RTL1: variants seen among roughly 807,000 people sequenced by gnomAD.
The protein encoded by RTL1 is retrotransposon-like protein 1.
For missense variants in RTL1, 1,681 were observed against 1,767.5 expected (o/e 0.95, Z 0.88); for synonymous variants, 727 against 748.4 (o/e 0.97, Z 0.47).
chr14:100,880,597 C>A lies in RTL1; in HGVS notation c.*115G>T, dbSNP rs1281381281. ...CTTCACAAGTGGGTTCCTCTTGGGT[C>A]AGGAGTGGCAGGAAGGGAAGCGAAG... On this transcript the variant is annotated 3_prime_UTR_variant, in exon 4 of 4. Transcript: ENST00000649591. The A allele has an allele frequency of 2.0e-6, 3 of 1,490,832 alleles. No homozygotes were observed. The Admixed American group carries it at 6.7e-5, about 33-fold the overall frequency. The allele number at this position is 1,490,832 out of a possible 1,614,324, so 92.4% of individuals were successfully genotyped here. A position where few individuals can be genotyped will look rare whatever the true frequency, so the allele number is the denominator to read the frequency against.
In RTL1 at chr14:100,880,635, C is replaced by T. The variant is rs897523731; in HGVS notation, c.*77G>A. The T allele has an allele frequency of 2.4e-5, 36 of 1,526,818 alleles. No homozygotes were observed. Among genetic ancestry groups the T allele is most frequent in the African/African-American group, 2.3e-4 (17 of 72,386 alleles). The allele number at this position is 1,526,818 out of a possible 1,614,324, so 94.6% of individuals were successfully genotyped here. ...AAGGGAAGCGAAGCAGGCTGAGGCGCGGGGAGGCCAGGGGACGTCGGGAGG... is the reference window on the plus strand; with the variant it reads ...AAGGGAAGCGAAGCAGGCTGAGGCGTGGGGAGGCCAGGGGACGTCGGGAGG... On this transcript the variant is annotated 3_prime_UTR_variant, in exon 4 of 4. Coordinates refer to ENST00000649591, the MANE Select transcript of RTL1 (RefSeq NM_001134888.3).
At chr14:100,891,529 C>T (rs1360404026) in intron 3 of RTL1, among the ~76,000 whole-genome samples, 1 of 152,224 alleles carries the variant, frequency 6.6e-6, no homozygotes, top group Non-Finnish European at 1.5e-5. Context: ...CAGGGAGTGC[C>T]TGGGCCCAGC....
chr14:100,882,507 AC>A lies in RTL1; in HGVS notation c.2281del (p.Val761SerfsTer27). Reference protein sequence around the residue: ...QVLVRFRHHNVYCSLDKSQFH... With the variant: ...QVLVRFRHHNXYCSLDKSQFH... ...CTGGCTCTTGTCCAGGGAGCAGTAG[AC>A]GTTGTGATGGCGGAAGCGGACCAGG... On this transcript the variant is annotated frameshift_variant, in exon 4 of 4. Transcript: ENST00000649591. LOFTEE classifies it low-confidence loss of function (END_TRUNC). The A allele has an allele frequency of 6.4e-7, 1 of 1,551,972 alleles. No individual in the cohort carries two copies. The highest frequency in any genetic ancestry group is 8.7e-7 in the Non-Finnish European group (1 of 1,147,084).
intron 3 of RTL1, among the ~76,000 whole-genome samples, chr14:100,892,895 T>C (rs2038801528): frequency 6.6e-6 from 1 of 152,078 alleles, no homozygotes; most frequent in Admixed American, 6.5e-5. Context: ...AGTTGGGGGA[T>C]GTGCTGCCGT....
intron 3 of RTL1, among the ~76,000 whole-genome samples, chr14:100,886,870 A>T (rs956116984): frequency 6.6e-6 from 1 of 152,198 alleles, no homozygotes; most frequent in African/African-American, 2.4e-5. Context: ...AAACTAGATT[A>T]TGCCCCCTCT....
chr14:100,892,122 T>A (rs2038788073), intron 3 of RTL1, among the ~76,000 whole-genome samples: 1 of 152,204 alleles, frequency 6.6e-6, no homozygotes, highest in Non-Finnish European at 1.5e-5. Context: ...TTGTCTTGAT[T>A]TTCCAACCTG....
Position 100,884,853 on chromosome 14 carries a change from C to T in RTL1, c.-65G>A. The T allele has an allele frequency of 4.1e-6, 6 of 1,456,810 alleles. No homozygotes were observed. Among genetic ancestry groups the T allele is most frequent in the Non-Finnish European group, 5.5e-6 (6 of 1,083,750 alleles). 90.2% of individuals were successfully genotyped at this position (1,456,810 alleles called of 1,614,324 possible). A position where few individuals can be genotyped will look rare whatever the true frequency, so the allele number is the denominator to read the frequency against. ...GGTTGTGATGGCGTCCAGTCAGTAG[C>T]TGGGACCGTGGAGATCAGAACCTGG... On this transcript the variant is annotated 5_prime_UTR_variant, in exon 4 of 4. Transcript: ENST00000649591.
At chr14:100,891,059 G>T (rs573799705) in intron 3 of RTL1, among the ~76,000 whole-genome samples, 1 of 152,286 alleles carries the variant, frequency 6.6e-6, no homozygotes, top group East Asian at 1.9e-4. Context: ...GGAGGCTGGT[G>T]AGATTCCTGG....
intron 3 of RTL1, among the ~76,000 whole-genome samples, chr14:100,888,702 C>T (rs950779119): frequency 1.1e-4 from 16 of 152,226 alleles, no homozygotes; most frequent in Admixed American, 9.8e-4. Context: ...CCAGGCCACT[C>T]TGTTAGAAAG....
chr14:100,894,998 TGAA>T (rs1260893626), intron 2 of RTL1: 8 of 152,278 alleles, frequency 5.3e-5, no homozygotes, highest in Non-Finnish European at 7.3e-5. Context: ...AGTCTGACTT[TGAA>T]GAAGACCAGC....
chr14:100,880,789 C>A lies in RTL1; in HGVS notation c.4000G>T (p.Ala1334Ser), dbSNP rs750552945. ...LIYRRALPIP[A>S]WESQPREQAR... ...TGCTCCCTGGGCTGGCTCTCCCAGG[C>A]GGGGATGGGCAGGGCCCGCCTGTAG... is the stretch of plus-strand genomic sequence containing the variant. The change falls in exon 4 of 4, where the codon GCC (alanine) becomes TCC (serine). Residue 1334 changes from alanine to serine, a missense_variant. Physicochemically the swap from Ala to Ser is moderately conservative, Grantham distance 99 (BLOSUM62 1). Transcript: ENST00000649591. 3.2e-6 allele frequency: 5 copies of A among 1,550,322 alleles called. No individual in the cohort carries two copies. Among genetic ancestry groups the A allele is most frequent in the Non-Finnish European group, 4.4e-6 (5 of 1,146,838 alleles).
chr14:100,903,127 A>AG (rs1384708584), intron 2 of RTL1, among the ~76,000 whole-genome samples, 164 bp downstream of exon 2: 1 of 152,306 alleles, frequency 6.6e-6, no homozygotes, highest in African/African-American at 2.4e-5. Context: ...CGAGGGGTAA[A>AG]GCATGAAGGC....
chr14:100,894,210 T>C (rs1348112442), intron 2 of RTL1, among the ~76,000 whole-genome samples: 1 of 146,920 alleles, frequency 6.8e-6, no homozygotes, highest in African/African-American at 2.5e-5. Flanking sequence ...CTTGGGAGGC[T>C]GAGGTAGGAG....
Position 100,883,782 on chromosome 14 carries a change from T to C in RTL1, c.1007A>G (p.His336Arg). The C allele has an allele frequency of 1.9e-6, 3 of 1,551,650 alleles. No individual in the cohort carries two copies. In the East Asian group the frequency reaches 7.3e-5, roughly 38 times the overall value. Residue 336 changes from histidine (H) to arginine (R), a missense_variant, in exon 4 of 4, where the codon CAC becomes CGC. By Grantham distance (29) the His-to-Arg change is conservative (BLOSUM62 0). Coordinates refer to ENST00000649591, the MANE Select transcript of RTL1 (RefSeq NM_001134888.3). The surrounding 1 kb of genome is among the most constrained non-coding windows in gnomAD (Gnocchi z 5.9). The part of the protein sequence containing the change: ...LCQGLNEEIR[H>R]YLFRVPQPDS... ...CGGCTGAGGGACCCGGAATAGATAG[T>C]GCCTGATCTCCTCGTTGAGCCCCTG... is the stretch of plus-strand genomic sequence containing the variant.
In RTL1 at chr14:100,884,325, T is replaced by C. The variant is rs770959882; in HGVS notation, c.464A>G (p.Gln155Arg). The change falls in exon 4 of 4, where the codon CAG becomes CGG. Residue 155 changes from glutamine (Q) to arginine (R), a missense_variant. Physicochemically the swap from Gln to Arg is conservative, Grantham distance 43. Transcript: ENST00000649591. ...AAGTTCTGCGGTTGAGTGCTCGGTC[T>C]GGTTTTGCTCTTGAGGAGTCTCCTC... ...GREETPQEQN[Q>R]TEHSTAELMA... is the part of the protein sequence containing the mutation. The C allele has an allele frequency of 1.6e-5, 24 of 1,543,452 alleles. No homozygotes were observed. In the African/African-American group the frequency reaches 3.0e-4, roughly 20 times the overall value.
In RTL1 at chr14:100,882,859, G is replaced by A. The variant is rs759876866; in HGVS notation, c.1930C>T (p.Gln644Ter). 2.6e-6 allele frequency: 4 copies of A among 1,560,942 alleles called. No individual in the cohort carries two copies. Among genetic ancestry groups the A allele is most frequent in the African/African-American group, 2.7e-5 (2 of 73,698 alleles). Residue 644 changes from glutamine (Q) to a stop codon, truncating the protein, a stop_gained, in exon 4 of 4, where the codon CAG (glutamine) becomes TAG (stop). Coordinates refer to ENST00000649591, the MANE Select transcript of RTL1 (RefSeq NM_001134888.3). LOFTEE classifies it low-confidence loss of function (END_TRUNC). Reference protein sequence around the residue: ...WDLQDMLTNRQDYIQMIPELF... With the variant: ...WDLQDMLTNR ...TCCGGAATCATCTGTATGTAGTCCT[G>A]TCTGTTGGTCAGCATGTCCTGCAGG... is the stretch of plus-strand genomic sequence containing the variant.
chr14:100,896,158 G>A (rs1180050336), intron 2 of RTL1, among the ~76,000 whole-genome samples: 1 of 152,092 alleles, frequency 6.6e-6, no homozygotes, highest in East Asian at 1.9e-4. Context: ...AAACTAAAAT[G>A]CTGTGTAATA....
rs2038676769 is a variant in RTL1 at position 100,884,889 on chromosome 14, G to C, written c.-86-15C>G. 1 of 1,076,592 alleles carries C rather than the reference G, an allele frequency of 9.3e-7. No homozygotes were observed. Among genetic ancestry groups the C allele is most frequent in the Admixed American group, 2.8e-5 (1 of 35,454 alleles). 66.7% of individuals were successfully genotyped at this position (1,076,592 alleles called of 1,614,324 possible). On this transcript the variant is annotated splice_polypyrimidine_tract_variant and intron_variant, in intron 3 of 3. Coordinates refer to ENST00000649591, the MANE Select transcript of RTL1 (RefSeq NM_001134888.3). ...GAGATCAGAACCTGGTGGTGGAAGG[G>C]GAGTGTGGGGAGTAAAGGCAGTAGT...
intron 3 of RTL1, among the ~76,000 whole-genome samples, chr14:100,885,843 G>A (rs1410428713): frequency 6.6e-6 from 1 of 152,080 alleles, no homozygotes; most frequent in African/African-American, 2.4e-5. Context: ...CCTTCTTAAC[G>A]CCAGTGGGTC....
Sources: gnomAD v4.1 joint callset for allele counts (sites outside exome capture counted in the v4.1 genomes callset) on GRCh38, gnomAD v4.1.1 for gene constraint, Gnocchi (gnomAD v3.1) non-coding constraint, MANE v1.5 for transcripts, NCBI Gene and HGNC (gene_info 2026-07-23, HGNC 2026-07-21) for gene names.